LNX1: variants seen among roughly 807,000 people sequenced by gnomAD.
LNX1 encodes E3 ubiquitin-protein ligase LNX.
In LNX1, 54 loss-of-function variants were observed where a neutral mutation model predicts 68.4. That is an observed-to-expected ratio of 0.79 (90% CI 0.63 to 0.99). LNX1 has a LOEUF of 0.99. LNX1 is among the 50% of genes least tolerant of loss of function. LNX1 has a pLI of 0.00. For synonymous variants in LNX1, 336 were observed against 350.0 expected, an observed-to-expected ratio of 0.96 and a Z score of 0.45; for missense variants, 906 against 926.4, an observed-to-expected ratio of 0.98 and a Z score of 0.29.
intron 1 of LNX1, among the ~76,000 whole-genome samples, chr4:53,584,567 T>A (rs1259858797): frequency 6.6e-6 from 1 of 152,126 alleles, no homozygotes; most frequent in Non-Finnish European, 1.5e-5. Context: ...GAATGATAAA[T>A]GCGATCTGGA....
At chr4:53,557,737 T>C in intron 2 of LNX1, 1 of 972,090 alleles carries the variant, frequency 1.0e-6, no homozygotes, top group South Asian at 2.1e-5. Flanking sequence ...TTTAAACTGC[T>C]GGCAGGGTGC....
At chr4:53,628,984 G>C (rs1433525575) in intron 1 of LNX1, among the ~76,000 whole-genome samples, 1 of 152,156 alleles carries the variant, frequency 6.6e-6, no homozygotes, top group East Asian at 1.9e-4. Context: ...AAGGGAAAGG[G>C]TGAGAGGTGG....
chr4:53,642,694 T>G (rs376066893), intron 1 of LNX1, among the ~76,000 whole-genome samples: 12 of 152,346 alleles, frequency 7.9e-5, no homozygotes, highest in Admixed American at 4.6e-4. Context: ...GAGAGATCCC[T>G]TGCTCTACTC....
intron 2 of LNX1, among the ~76,000 whole-genome samples, chr4:53,538,437 G>A (rs1336481258): frequency 6.6e-6 from 1 of 152,094 alleles, no homozygotes; most frequent in East Asian, 1.9e-4. Context: ...AATTAGTGGA[G>A]GAGGCAGGCA....
At chr4:53,594,798 A>G (rs1732680151), upstream of LNX1, among the ~76,000 whole-genome samples, 1 of 151,512 alleles carries the variant, frequency 6.6e-6, no homozygotes, top group African/African-American at 2.4e-5. Context: ...TGCAGCCCCA[A>G]CCTCCTGGGC....
chr4:53,472,748 C>T (rs1452256517), intron 9 of LNX1, among the ~76,000 whole-genome samples: 2 of 139,194 alleles, frequency 1.4e-5, no homozygotes, highest in Admixed American at 7.3e-5. Flanking sequence ...AATTGATGAA[C>T]GTGAAAGCCG....
chr4:53,573,993 G>A lies in LNX1; in HGVS notation c.10C>T (p.Pro4Ser), dbSNP rs1731333232. 2 of 1,610,240 alleles carry A rather than the reference G, an allele frequency of 1.2e-6. No homozygotes were observed. The highest frequency in any genetic ancestry group is 1.1e-5 in the South Asian group (1 of 90,342). The part of the protein sequence containing the change: MNQ[P>S]ESANDPEPLC... ...GGTTCAGGATCGTTGGCAGACTCTG[G>A]CTGGTTCATGATGGATTGGAGAGCA... Residue 4 changes from proline to serine, a missense_variant, in exon 2 of 11, where the codon CCA (proline) becomes TCA (serine). Physicochemically the swap from Pro to Ser is moderately conservative, Grantham distance 74 (BLOSUM62 -1). Transcript: ENST00000263925.
rs183781591 is a variant in LNX1 at position 53,582,608 on chromosome 4, C to T, written c.-86-8520G>A. Reference sequence around the variant, plus strand: ...AAATATTTTACTCCCTTCAGCCAACCTCTTGTTTTACAGCATGTTTCAAAC... The same window carrying T: ...AAATATTTTACTCCCTTCAGCCAACTTCTTGTTTTACAGCATGTTTCAAAC... On this transcript the variant is annotated intron_variant, in intron 1 of 10. Coordinates refer to ENST00000263925, the MANE Select transcript of LNX1 (RefSeq NM_001126328.3). 2.3e-3 allele frequency among the ~76,000 whole-genome samples: 349 copies of T among 152,304 alleles called. 1 individual carries two copies. The highest frequency in any genetic ancestry group is 7.6e-3 in the African/African-American group (315 of 41,562).
intron 2 of LNX1, among the ~76,000 whole-genome samples, chr4:53,538,009 C>T (rs1174137939): frequency 1.3e-5 from 2 of 152,200 alleles, no homozygotes; most frequent in Non-Finnish European, 2.9e-5. Context: ...TATTCTGTCT[C>T]ATTCTGAATA....
At chr4:53,601,182 T>C (rs543695311) in intron 2 of LNX1, among the ~76,000 whole-genome samples, 26 of 152,124 alleles carry the variant, frequency 1.7e-4, no homozygotes, top group African/African-American at 6.3e-4. Context: ...TTTATGAATA[T>C]GGAGGTTTAG....
chr4:53,521,620 C>T (rs1019003022), intron 2 of LNX1, among the ~76,000 whole-genome samples: 29 of 152,296 alleles, frequency 1.9e-4, no homozygotes, highest in African/African-American at 7.0e-4. Context: ...CTTCCTCTTC[C>T]CTCCCAATAT....
intron 2 of LNX1, among the ~76,000 whole-genome samples, chr4:53,548,543 T>C (rs1407441113): frequency 6.6e-6 from 1 of 152,148 alleles, no homozygotes; most frequent in Non-Finnish European, 1.5e-5. Flanking sequence ...TCTCTTAAAG[T>C]TCTCCCATTA....
intron 2 of LNX1, among the ~76,000 whole-genome samples, chr4:53,613,752 A>C (rs926527500): frequency 2.6e-5 from 4 of 152,228 alleles, no homozygotes; most frequent in Non-Finnish European, 5.9e-5. Context: ...TATTGTGAAT[A>C]GCACTGCACT....
chr4:53,508,316 T>C, intron 2 of LNX1, 89 bp from the exon 3 acceptor site: 1 of 1,483,076 alleles, frequency 6.7e-7, no homozygotes, highest in Non-Finnish European at 9.1e-7. Flanking sequence ...TTGAAGAATG[T>C]ATAATAGGCT....
At chr4:53,556,474 T>C (rs930665307) in intron 2 of LNX1, among the ~76,000 whole-genome samples, 1 of 152,126 alleles carries the variant, frequency 6.6e-6, no homozygotes, top group African/African-American at 2.4e-5. Context: ...CGAAGAAGGA[T>C]AGCGCATGGG....
chr4:53,509,950 G>A (rs1328090998), intron 2 of LNX1, among the ~76,000 whole-genome samples: 1 of 152,130 alleles, frequency 6.6e-6, no homozygotes, highest in Non-Finnish European at 1.5e-5. Context: ...TAATGATTCA[G>A]TACTAAAATG....
At position 53,460,729 on chromosome 4, in the gene LNX1, AT is replaced by A; in HGVS notation, c.*177del. The A allele has an allele frequency of 1.3e-5, 8 of 593,876 alleles. No individual in the cohort carries two copies. The highest frequency in any genetic ancestry group is 2.5e-5 in the South Asian group (1 of 39,244). 36.8% of individuals were successfully genotyped at this position (593,876 alleles called of 1,614,324 possible). ...CACTGAAAAAAAACTAGTAGTTTTA[AT>A]TTTTTTGGAATCATATTTTCTGAGG... On this transcript the variant is annotated 3_prime_UTR_variant, in exon 11 of 11. Transcript: ENST00000263925.
chr4:53,649,642 C>G (rs1199447273), intron 1 of LNX1, among the ~76,000 whole-genome samples: 2 of 152,228 alleles, frequency 1.3e-5, no homozygotes, highest in African/African-American at 4.8e-5. Flanking sequence ...TTCCTGCACA[C>G]CACTCCCTTT....
intron 9 of LNX1, among the ~76,000 whole-genome samples, chr4:53,469,538 C>T (rs1331142503): frequency 2.6e-5 from 4 of 152,056 alleles, no homozygotes; most frequent in Admixed American, 6.6e-5. Flanking sequence ...TTCAAAAAAT[C>T]AATGAATCCA....
Sources: allele counts gnomAD v4.1 joint callset (sites outside exome capture counted in the v4.1 genomes callset), GRCh38; gene constraint gnomAD v4.1.1; transcripts MANE v1.5; gene names NCBI Gene and HGNC (gene_info 2026-07-23, HGNC 2026-07-21).